The following RBFOX1 variants were observed in gnomAD, a reference collection of about 807,000 sequenced individuals.
RBFOX1 encodes the protein RNA binding protein fox-1 homolog 1.
A neutral mutation model predicts 57.7 loss-of-function variants in RBFOX1; 8 were observed. The observed-to-expected ratio is 0.14, with a 90% CI of 0.08 to 0.25. The LOEUF (loss-of-function observed/expected upper bound fraction) is 0.25. Among genes scored for constraint, RBFOX1 ranks in the 10% least tolerant of loss-of-function variants. The probability of loss-of-function intolerance (pLI) is 1.00; values close to 1 mark genes in which losing one functional copy is unlikely to be tolerated. For synonymous variants in RBFOX1, 326 were observed against 222.4 expected, an observed-to-expected ratio of 1.47 and a Z score of -4.15; for missense variants, 611 against 548.5, an observed-to-expected ratio of 1.11 and a Z score of -1.14.
intron 3 of RBFOX1, among the ~76,000 whole-genome samples, chr16:6,992,770 C>G (rs543894744): frequency 2.1e-5 from 3 of 143,492 alleles, no homozygotes; most frequent in African/African-American, 7.8e-5. Flanking sequence ...TCACTTGTGT[C>G]TAGAGTTTTT....
At chr16:5,344,030 C>G (rs903474837) in intron 1 of RBFOX1, among the ~76,000 whole-genome samples, 2 of 152,198 alleles carry the variant, frequency 1.3e-5, no homozygotes, top group African/African-American at 2.4e-5. Context: ...TCTTATGCTT[C>G]TCTGTGCTGG....
At chr16:6,152,198 C>G (rs532270249) in intron 1 of RBFOX1, among the ~76,000 whole-genome samples, 2 of 152,262 alleles carry the variant, frequency 1.3e-5, no homozygotes, top group Admixed American at 6.5e-5. Context: ...TTGTCTGAGT[C>G]AATCCAATGG....
At chr16:6,938,939 A>G (rs1010285997) in intron 3 of RBFOX1, among the ~76,000 whole-genome samples, 2 of 152,030 alleles carry the variant, frequency 1.3e-5, no homozygotes, top group Non-Finnish European at 1.5e-5. Flanking sequence ...CTCAAAAAAG[A>G]AAGTAAAATA....
At chr16:7,504,799 ATATT>A (rs2072639532) in intron 4 of RBFOX1, among the ~76,000 whole-genome samples, 9 of 23,382 alleles carry the variant, frequency 3.8e-4, no homozygotes, top group African/African-American at 7.5e-4. Flanking sequence ...ATATATATAT[ATATT>A]TATATATATA....
intron 4 of RBFOX1, among the ~76,000 whole-genome samples, chr16:7,104,337 G>A (rs1028235872): frequency 2.0e-5 from 3 of 152,048 alleles, no homozygotes; most frequent in Non-Finnish European, 4.4e-5. Context: ...CTCCTAAGGG[G>A]GACCAGTGTA....
chr16:7,414,956 G>A (rs11644946), intron 4 of RBFOX1, among the ~76,000 whole-genome samples: 5,674 of 152,266 alleles, frequency 0.037, 118 homozygotes, highest in Admixed American at 0.072. Flanking sequence ...TGCAAGGGAA[G>A]GTGTTTCATC....
At chr16:7,270,443 T>C (rs1042574139) in intron 4 of RBFOX1, among the ~76,000 whole-genome samples, 2 of 152,194 alleles carry the variant, frequency 1.3e-5, no homozygotes, top group African/African-American at 2.4e-5. Context: ...ATCGGGCAGA[T>C]TCAGACCTTA....
chr16:7,068,387 C>A (rs959715484), intron 4 of RBFOX1, among the ~76,000 whole-genome samples: 2 of 152,122 alleles, frequency 1.3e-5, no homozygotes, highest in African/African-American at 4.8e-5. Context: ...AAGTCAGAGA[C>A]CAGAGCATTC....
intron 3 of RBFOX1, among the ~76,000 whole-genome samples, chr16:6,831,863 A>G (rs932329604): frequency 2.0e-5 from 3 of 152,172 alleles, no homozygotes; most frequent in Non-Finnish European, 4.4e-5. Flanking sequence ...AGGGAGCATC[A>G]TTTATGCAGT....
At chr16:5,579,712 A>T (rs1476575266) in intron 2 of RBFOX1, among the ~76,000 whole-genome samples, 1 of 150,688 alleles carries the variant, frequency 6.6e-6, no homozygotes, top group African/African-American at 2.4e-5. Flanking sequence ...TTTTCCTTTC[A>T]TGACACTTAT....
intron 3 of RBFOX1, among the ~76,000 whole-genome samples, chr16:5,799,796 T>G (rs1335198670): frequency 1.3e-5 from 2 of 152,198 alleles, no homozygotes; most frequent in Non-Finnish European, 2.9e-5. Context: ...AGCTTCTGAA[T>G]AGCTCTTTGT....
intron 1 of RBFOX1, among the ~76,000 whole-genome samples, chr16:5,424,739 T>C (rs908782753): frequency 9.9e-5 from 15 of 152,010 alleles, no homozygotes; most frequent in Admixed American, 2.0e-4. Flanking sequence ...AGTTGAATAT[T>C]GTTGGGGTTT....
intron 3 of RBFOX1, among the ~76,000 whole-genome samples, chr16:5,694,055 C>G (rs2050774143): frequency 6.6e-6 from 1 of 152,184 alleles, no homozygotes; most frequent in African/African-American, 2.4e-5. Flanking sequence ...TAAATTTGAG[C>G]TCAGCTCTCA....
At chr16:5,951,199 G>A (rs907147529) in intron 4 of RBFOX1, among the ~76,000 whole-genome samples, 2 of 152,164 alleles carry the variant, frequency 1.3e-5, no homozygotes, top group Non-Finnish European at 2.9e-5. Context: ...TGAAATCTCA[G>A]CACTTTGGGA....
At chr16:5,566,211 A>G (rs1288651244) in intron 2 of RBFOX1, among the ~76,000 whole-genome samples, 1 of 152,082 alleles carries the variant, frequency 6.6e-6, no homozygotes, top group African/African-American at 2.4e-5. Flanking sequence ...TGTGAATCCG[A>G]CCACACTTGG....
At chr16:5,301,123 C>T (rs554461249) in intron 1 of RBFOX1, among the ~76,000 whole-genome samples, 1 of 152,306 alleles carries the variant, frequency 6.6e-6, no homozygotes, top group Non-Finnish European at 1.5e-5. Flanking sequence ...TGGGATGTTA[C>T]CTTCGAGACC....
intron 2 of RBFOX1, 44 bp downstream of exon 2, chr16:6,317,101 A>G (rs1293101636): frequency 3.4e-6 from 5 of 1,477,020 alleles, no homozygotes; most frequent in East Asian, 2.5e-5. Flanking sequence ...AAATACATCC[A>G]TGTCTTTGAT....
intron 3 of RBFOX1, among the ~76,000 whole-genome samples, chr16:5,651,040 C>CTTTTTTT (rs869240597): frequency 0.039 from 2,216 of 56,882 alleles, 651 homozygotes; most frequent in Middle Eastern, 0.058. Context: ...CTACCTCCTT[C>CTTTTTTT]TTTTTTTTTT....
chr16:7,551,183 A>G (rs1208659620), intron 5 of RBFOX1, among the ~76,000 whole-genome samples: 3 of 152,104 alleles, frequency 2.0e-5, no homozygotes, highest in Non-Finnish European at 4.4e-5. Context: ...CGCTGCCTTA[A>G]AGAACTTTTA....
Sources: gnomAD v4.1 joint callset for allele counts (sites outside exome capture counted in the v4.1 genomes callset) on GRCh38, gnomAD v4.1.1 for gene constraint, MANE v1.5 for transcripts, NCBI Gene and HGNC (gene_info 2026-07-23, HGNC 2026-07-21) for gene names.